The following NEO1 variants were observed in gnomAD, a reference collection of about 807,000 sequenced individuals.
The protein encoded by NEO1 is neogenin.
Under a neutral mutation model 159.7 loss-of-function variants are expected in NEO1, and 63 were observed. The ratio of observed to expected loss-of-function variants is 0.39; its 90% CI spans 0.32 to 0.49. The LOEUF is 0.49. NEO1 is among the 20% of genes least tolerant of loss of function. NEO1 has a pLI of 0.85. For missense variants in NEO1, 1,615 were observed against 1,831.0 expected, an observed-to-expected ratio of 0.88 and a Z score of 2.15; for synonymous variants, 633 against 662.0, an observed-to-expected ratio of 0.96 and a Z score of 0.67.
intron 22 of NEO1, 65 bp downstream of exon 22, chr15:73,278,264 G>T (rs2041509824): frequency 6.9e-7 from 1 of 1,438,860 alleles, no homozygotes; most frequent in African/African-American, 1.4e-5. Flanking sequence ...TTAAATTTTT[G>T]AAATGTCCTT....
At chr15:73,228,466 T>G (rs974723665) in intron 7 of NEO1, among the ~76,000 whole-genome samples, 3 of 140,016 alleles carry the variant, frequency 2.1e-5, no homozygotes, top group African/African-American at 8.2e-5. Flanking sequence ...TGGGTATAAG[T>G]TTTTTTTTTT....
intron 9 of NEO1, among the ~76,000 whole-genome samples, chr15:73,247,065 T>C (rs1278901553): frequency 2.0e-5 from 3 of 152,136 alleles, no homozygotes; most frequent in Non-Finnish European, 4.4e-5. Context: ...TTCAAGGAGT[T>C]TGGCTAAAAG....
intron 5 of NEO1, among the ~76,000 whole-genome samples, chr15:73,147,660 G>A (rs1008733033): frequency 1.3e-5 from 2 of 152,052 alleles, no homozygotes; most frequent in Admixed American, 1.3e-4. Flanking sequence ...ATCATTGTTG[G>A]CATTACTCTG....
Position 73,052,824 on chromosome 15 carries a change from C to T in NEO1, c.130+19C>T, listed in dbSNP as rs943418108. The T allele has an allele frequency of 5.5e-6, 4 of 733,064 alleles. No homozygotes were observed. The African/African-American group carries it at 7.7e-5, about 14-fold the overall frequency. 45.4% of individuals were successfully genotyped at this position (733,064 alleles called of 1,614,324 possible). Reference sequence around the variant, plus strand: ...TCCCCAGGTAAGCGGCGGGCGCGGGCCCGGGGGTTCGCGGGGGCGCGGCAC... The same window carrying T: ...TCCCCAGGTAAGCGGCGGGCGCGGGTCCGGGGGTTCGCGGGGGCGCGGCAC... On this transcript the variant is annotated intron_variant, in intron 1 of 28. Transcript: ENST00000261908.
intron 23 of NEO1, among the ~76,000 whole-genome samples, chr15:73,285,020 A>T (rs755339928): frequency 6.6e-6 from 1 of 152,050 alleles, no homozygotes; most frequent in African/African-American, 2.4e-5. Flanking sequence ...ACTTGATTTT[A>T]TATCAGTTTT....
chr15:73,083,216 G>A (rs886225407), intron 1 of NEO1, among the ~76,000 whole-genome samples: 19 of 152,158 alleles, frequency 1.2e-4, no homozygotes, highest in Non-Finnish European at 2.5e-4. Flanking sequence ...ACTGAAAAGA[G>A]GTCAGGCAGT....
intron 5 of NEO1, among the ~76,000 whole-genome samples, chr15:73,166,554 A>C (rs2034581843): frequency 6.6e-6 from 1 of 152,210 alleles, no homozygotes; most frequent in African/African-American, 2.4e-5. Flanking sequence ...GGAAGGTAGA[A>C]GTTATAGGCA....
chr15:73,093,876 G>T (rs1312939642), intron 1 of NEO1, among the ~76,000 whole-genome samples: 1 of 152,180 alleles, frequency 6.6e-6, no homozygotes, highest in Admixed American at 6.5e-5. Flanking sequence ...ACTGTGCCTG[G>T]CCGGAAGCTC....
intron 7 of NEO1, among the ~76,000 whole-genome samples, chr15:73,230,285 A>T (rs2150817796): frequency 6.6e-6 from 1 of 152,266 alleles, no homozygotes; most frequent in African/African-American, 2.4e-5. Flanking sequence ...ATGTTCTTCT[A>T]AGAATTTTTC....
intron 5 of NEO1, among the ~76,000 whole-genome samples, chr15:73,155,720 T>A (rs1400949430): frequency 6.6e-6 from 1 of 152,236 alleles, no homozygotes; most frequent in Non-Finnish European, 1.5e-5. Flanking sequence ...GTTCTGAGAT[T>A]CTTTCTTCTG....
chr15:73,116,996 A>G (rs2071363789), intron 2 of NEO1, 139 bp downstream of exon 2: 2 of 679,666 alleles, frequency 2.9e-6, no homozygotes, highest in Admixed American at 6.6e-5. Flanking sequence ...TTGTGCATAT[A>G]CTCTGCGTAT....
intron 23 of NEO1, among the ~76,000 whole-genome samples, chr15:73,286,982 C>T (rs964325971): frequency 3.9e-5 from 6 of 152,188 alleles, no homozygotes; most frequent in Non-Finnish European, 7.3e-5. Flanking sequence ...AAAGTTTTAA[C>T]TCAAAAGTGT....
chr15:73,075,808 T>C (rs1466626552), intron 1 of NEO1, among the ~76,000 whole-genome samples: 3 of 152,188 alleles, frequency 2.0e-5, no homozygotes, highest in African/African-American at 7.2e-5. Context: ...TTGTGAATCA[T>C]AGAATTGTTT....
Position 73,302,755 on chromosome 15 carries a change from G to C in NEO1, c.*59G>C. 2 of 1,459,424 alleles carry C rather than the reference G, an allele frequency of 1.4e-6. No individual in the cohort carries two copies. The highest frequency in any genetic ancestry group is 1.4e-5 in the African/African-American group (1 of 71,854). 90.4% of individuals were successfully genotyped at this position (1,459,424 alleles called of 1,614,324 possible). A position where few individuals can be genotyped will look rare whatever the true frequency, so the allele number is the denominator to read the frequency against. Reference sequence around the variant, plus strand: ...TCTGGAAGTCTTGGAACTTACCCTTGAAAACAAGGAATTGTACAGAGTACG... The same window carrying C: ...TCTGGAAGTCTTGGAACTTACCCTTCAAAACAAGGAATTGTACAGAGTACG... On this transcript the variant is annotated 3_prime_UTR_variant, in exon 29 of 29. Coordinates refer to ENST00000261908, the MANE Select transcript of NEO1 (RefSeq NM_002499.4).
At chr15:73,297,313 C>T (rs901398414) in intron 26 of NEO1, among the ~76,000 whole-genome samples, 1 of 152,152 alleles carries the variant, frequency 6.6e-6, no homozygotes, top group African/African-American at 2.4e-5. Context: ...CCTCCCAGTG[C>T]CTTCTGAGTT....
chr15:73,210,401 G>A (rs953994182), intron 7 of NEO1, among the ~76,000 whole-genome samples: 2 of 152,140 alleles, frequency 1.3e-5, no homozygotes, highest in Non-Finnish European at 2.9e-5. Flanking sequence ...GGCCTCATTG[G>A]CACCAACCAT....
chr15:73,123,587 T>G (rs914481578), intron 3 of NEO1, among the ~76,000 whole-genome samples: 3 of 152,200 alleles, frequency 2.0e-5, no homozygotes, highest in African/African-American at 7.2e-5. Flanking sequence ...TCTTTTTGTG[T>G]GTCTTCTCAG....
chr15:73,266,173 C>T (rs1596528960), intron 15 of NEO1, 143 bp from the exon 16 acceptor site: 2 of 614,488 alleles, frequency 3.3e-6, no homozygotes, highest in East Asian at 5.6e-5. Flanking sequence ...CCATATCTCC[C>T]TACAACCTGA....
intron 8 of NEO1, among the ~76,000 whole-genome samples, chr15:73,238,026 CTG>C (rs1356700802): frequency 6.6e-6 from 1 of 152,130 alleles, no homozygotes; most frequent in Non-Finnish European, 1.5e-5. Flanking sequence ...CCCTCGGTGA[CTG>C]TCACACAGTG....
Sources: allele counts gnomAD v4.1 joint callset (sites outside exome capture counted in the v4.1 genomes callset), GRCh38; gene constraint gnomAD v4.1.1; transcripts MANE v1.5; gene names NCBI Gene and HGNC (gene_info 2026-07-23, HGNC 2026-07-21).